The following NUBPL variants were observed in gnomAD, a reference collection of about 807,000 sequenced individuals.
NUBPL encodes NUBP iron-sulfur cluster assembly factor, mitochondrial.
In NUBPL, 31 loss-of-function variants were observed where a neutral mutation model predicts 45.7. That is an observed-to-expected ratio of 0.68 (90% CI 0.51 to 0.92). NUBPL has a LOEUF of 0.92. Among genes scored for constraint, NUBPL ranks in the 40% least tolerant of loss-of-function variants. The pLI, the probability that NUBPL is intolerant of heterozygous loss-of-function variation, is 0.00. For synonymous variants in NUBPL, 144 were observed against 140.9 expected, an observed-to-expected ratio of 1.02 and a Z score of -0.15; for missense variants, 401 against 398.7, an observed-to-expected ratio of 1.01 and a Z score of -0.05.
intron 6 of NUBPL, among the ~76,000 whole-genome samples, chr14:31,716,075 G>A (rs982533275): frequency 6.6e-6 from 1 of 151,778 alleles, no homozygotes; most frequent in Admixed American, 6.6e-5. Context: ...GGCCTACATG[G>A]GTCAGGATTA....
chr14:31,608,325 G>A (rs28890036), intron 4 of NUBPL, among the ~76,000 whole-genome samples: 5,551 of 152,130 alleles, frequency 0.036, 130 homozygotes, highest in African/African-American at 0.078. Flanking sequence ...AGGCTGAGGC[G>A]GGCGGATCAC....
intron 6 of NUBPL, among the ~76,000 whole-genome samples, chr14:31,749,158 A>G (rs1010849420): frequency 1.3e-5 from 2 of 152,096 alleles, no homozygotes; most frequent in African/African-American, 4.8e-5. Flanking sequence ...TACTCCTGTT[A>G]TATTATTGAT....
At chr14:31,563,041 A>T (rs1257424093) in intron 2 of NUBPL, among the ~76,000 whole-genome samples, 1 of 152,174 alleles carries the variant, frequency 6.6e-6, no homozygotes, top group African/African-American at 2.4e-5. Context: ...GATAGATACC[A>T]TATTGTTAAA....
At chr14:31,596,100 G>A (rs1401150152) in intron 3 of NUBPL, among the ~76,000 whole-genome samples, 1 of 151,850 alleles carries the variant, frequency 6.6e-6, no homozygotes, top group Non-Finnish European at 1.5e-5. Context: ...TAGAGACGGG[G>A]TTTCACCATG....
At chr14:31,750,192 T>TTA (rs2038491465) in intron 6 of NUBPL, among the ~76,000 whole-genome samples, 1 of 138,578 alleles carries the variant, frequency 7.2e-6, no homozygotes, top group Non-Finnish European at 1.6e-5. Flanking sequence ...TTTTTTTTTT[T>TTA]GAGACGGAGT....
chr14:31,753,909 A>G (rs1337349748), intron 6 of NUBPL, among the ~76,000 whole-genome samples: 1 of 152,194 alleles, frequency 6.6e-6, no homozygotes, highest in Non-Finnish European at 1.5e-5. Context: ...AAGTTAAATC[A>G]TTGTAAGTCA....
At chr14:31,698,963 T>G (rs1486297932) in intron 6 of NUBPL, among the ~76,000 whole-genome samples, 1 of 151,956 alleles carries the variant, frequency 6.6e-6, no homozygotes, top group Non-Finnish European at 1.5e-5. Flanking sequence ...CAAGCAATTC[T>G]CCTGCCTCAG....
rs184572385 is a variant in NUBPL, at chr14:31,597,268, G to A, written c.292-2021G>A. ...TATTTCTATTCTCTAGGAAGCAGAA[G>A]AATTCGAAAATCTTGTAATTTCCCC... On this transcript the variant is annotated intron_variant, in intron 3 of 10. Coordinates refer to ENST00000281081, the MANE Select transcript of NUBPL (RefSeq NM_025152.3). 1.1e-4 allele frequency among the ~76,000 whole-genome samples: 16 copies of A among 152,270 alleles called. No individual in the cohort carries two copies. The East Asian group carries it at 2.1e-3, about 20-fold the overall frequency.
chr14:31,680,085 C>G (rs1197054283), intron 6 of NUBPL, among the ~76,000 whole-genome samples: 1 of 151,932 alleles, frequency 6.6e-6, no homozygotes, highest in Non-Finnish European at 1.5e-5. Flanking sequence ...GTACATTAAC[C>G]TTGAATCCTG....
intron 6 of NUBPL, among the ~76,000 whole-genome samples, chr14:31,699,754 A>G (rs58949333): frequency 6.6e-6 from 1 of 152,182 alleles, no homozygotes; most frequent in Non-Finnish European, 1.5e-5. Context: ...GTATCTGTAA[A>G]TATCTTTACT....
At chr14:31,731,918 G>A (rs1365106881) in intron 6 of NUBPL, among the ~76,000 whole-genome samples, 1 of 151,994 alleles carries the variant, frequency 6.6e-6, no homozygotes, top group Non-Finnish European at 1.5e-5. Context: ...AAAGGGAACT[G>A]GAGGCCGGAC....
At chr14:31,856,285 A>C (rs2040617972) in intron 10 of NUBPL, among the ~76,000 whole-genome samples, 1 of 152,080 alleles carries the variant, frequency 6.6e-6, no homozygotes, top group Non-Finnish European at 1.5e-5. Context: ...CACTGTTATG[A>C]GAACAGCATG....
chr14:31,585,818 A>G (rs1334584000), intron 3 of NUBPL, among the ~76,000 whole-genome samples: 2 of 152,336 alleles, frequency 1.3e-5, no homozygotes, highest in East Asian at 3.9e-4. Context: ...AATGACATTG[A>G]AGCTGGGAAG....
chr14:31,805,611 G>A (rs970105244), intron 7 of NUBPL, among the ~76,000 whole-genome samples: 8 of 151,952 alleles, frequency 5.3e-5, no homozygotes, highest in African/African-American at 1.7e-4. Flanking sequence ...CCTTTGCGGG[G>A]ACATGGATGG....
intron 6 of NUBPL, among the ~76,000 whole-genome samples, chr14:31,716,415 A>G (rs2037689938): frequency 6.6e-6 from 1 of 152,204 alleles, no homozygotes; most frequent in Non-Finnish European, 1.5e-5. Flanking sequence ...ATTTGTTTAT[A>G]CCAGCATAAC....
chr14:31,569,015 G>A (rs1419353322), intron 3 of NUBPL, among the ~76,000 whole-genome samples: 1 of 152,102 alleles, frequency 6.6e-6, no homozygotes, highest in Non-Finnish European at 1.5e-5. Flanking sequence ...CTAATATAAT[G>A]TATAAACAAA....
chr14:31,653,345 G>A (rs1229172892), intron 4 of NUBPL, among the ~76,000 whole-genome samples: 1 of 152,082 alleles, frequency 6.6e-6, no homozygotes, highest in Non-Finnish European at 1.5e-5. Flanking sequence ...GCGTACTTTG[G>A]TCCTTATCTC....
intron 4 of NUBPL, among the ~76,000 whole-genome samples, chr14:31,634,190 A>G (rs1360916862): frequency 6.7e-6 from 1 of 150,008 alleles, no homozygotes; most frequent in Non-Finnish European, 1.5e-5. Flanking sequence ...TGCACCCATT[A>G]ACTCGTCATT....
chr14:31,580,161 GTACTT>G (rs2033823721), intron 3 of NUBPL, among the ~76,000 whole-genome samples: 1 of 152,194 alleles, frequency 6.6e-6, no homozygotes, highest in African/African-American at 2.4e-5. Context: ...ATTTTACTGA[GTACTT>G]TACATGTGCT....
Sources: gnomAD v4.1 joint callset for allele counts (sites outside exome capture counted in the v4.1 genomes callset) on GRCh38, gnomAD v4.1.1 for gene constraint, MANE v1.5 for transcripts, NCBI Gene and HGNC (gene_info 2026-07-23, HGNC 2026-07-21) for gene names.